Variants in PUF60 observed in about 807,000 individuals in gnomAD.
PUF60 encodes poly(U) binding splicing factor 60, also known as poly(U)-binding-splicing factor PUF60.
A neutral mutation model predicts 61.8 loss-of-function variants in PUF60; 10 were observed. The ratio of observed to expected loss-of-function variants is 0.16; its 90% CI spans 0.10 to 0.27. PUF60 has a LOEUF of 0.27. Ranked by LOEUF, PUF60 falls within the 10% of genes least tolerant of loss-of-function variation. The probability of loss-of-function intolerance (pLI) is 1.00; values close to 1 mark genes in which losing one functional copy is unlikely to be tolerated. For synonymous variants in PUF60, 353 were observed against 300.9 expected (o/e 1.17, Z -1.79); for missense variants, 371 against 754.0 (o/e 0.49, Z 5.95).
chr8:143,817,917 G>A lies in PUF60; in HGVS notation c.762C>T (p.Ser254=). ...TTGTGGGGTCCCGGGCCAGTGTGCA[G>A]GACTTGATCTTGCCAAAGGCCTCAA... The part of the protein sequence containing the change: ...SVFEAFGKIK[S]CTLARDPTTG... Residue 254 remains serine (S), a synonymous_variant, in exon 8 of 12, where the codon TCC becomes TCT. Coordinates refer to ENST00000526683, the MANE Select transcript of PUF60 (RefSeq NM_078480.3). This position sits in a 1 kb window ranked among gnomAD's most constrained non-coding sequence, Gnocchi z 7.4. 6.2e-7 allele frequency: 1 copy of A among 1,612,914 alleles called. No homozygotes were observed.
Position 143,818,401 on chromosome 8 carries a change from G to T in PUF60, c.482C>A (p.Ser161Tyr). 1 of 1,612,768 alleles carries T rather than the reference G, an allele frequency of 6.2e-7. No homozygotes were observed. The highest frequency in any genetic ancestry group is 8.5e-7 in the Non-Finnish European group (1 of 1,179,784). Residue 161 changes from serine to tyrosine, a missense_variant, in exon 6 of 12, where the codon TCC becomes TAC. Physicochemically the swap from Ser to Tyr is moderately radical, Grantham distance 144. Transcript: ENST00000526683. The surrounding 1 kb of genome is among the most constrained non-coding windows in gnomAD (Gnocchi z 7.9). ...GTGCTTCATGGTGACGGAGTCCCAG[G>T]ACATGTCGATGCTCTTGATGGGGCC... Reference protein sequence around the residue: ...PFGPIKSIDMSWDSVTMKHKG... With the variant: ...PFGPIKSIDMYWDSVTMKHKG...
Position 143,827,664 on chromosome 8 carries a change from A to G in PUF60, c.24+1616T>C, listed in dbSNP as rs1212150858. On this transcript the variant is annotated intron_variant, in intron 1 of 11. Transcript: ENST00000526683. ...AGAGGAATGGGTTAGACCACAGGCT[A>G]CAGCTCACTCCTGGAGCCGGATGCA... 1.5e-5 allele frequency: 5 copies of G among 336,274 alleles called. No homozygotes were observed. In the Admixed American group the frequency reaches 1.7e-4, roughly 12 times the overall value. 20.8% of individuals were successfully genotyped at this position (336,274 alleles called of 1,614,324 possible). A position where few individuals can be genotyped will look rare whatever the true frequency, so the allele number is the denominator to read the frequency against.
rs1816671121 is a variant in PUF60 at position 143,818,721 on chromosome 8, G to C, written c.349-187C>G. ...TCGCAGGACCCCGCCACCCAAAGAA[G>C]GAAGGCCAGGCCCAGCGGCAGGACA... On this transcript the variant is annotated intron_variant, in intron 5 of 11. Coordinates refer to ENST00000526683, the MANE Select transcript of PUF60 (RefSeq NM_078480.3). This position sits in a 1 kb window ranked among gnomAD's most constrained non-coding sequence, Gnocchi z 7.9. 2 of 657,050 alleles carry C rather than the reference G, an allele frequency of 3.0e-6. No homozygotes were observed. The highest frequency in any genetic ancestry group is 5.1e-6 in the Non-Finnish European group (2 of 394,140). 40.7% of individuals were successfully genotyped at this position (657,050 alleles called of 1,614,324 possible). A position where few individuals can be genotyped will look rare whatever the true frequency, so the allele number is the denominator to read the frequency against.
chr8:143,829,169 G>C, intron 1 of PUF60, 111 bp downstream of exon 1: 3 of 1,222,810 alleles, frequency 2.5e-6, no homozygotes, highest in Non-Finnish European at 3.1e-6. Context: ...GAGTCCGCGC[G>C]GGACCTGGGA....
chr8:143,816,777 T>C lies in PUF60; in HGVS notation c.1423A>G (p.Ile475Val). 6.2e-7 allele frequency: 1 copy of C among 1,613,662 alleles called. No individual in the cohort carries two copies. Among genetic ancestry groups the C allele is most frequent in the Non-Finnish European group, 8.5e-7 (1 of 1,179,864 alleles). The change falls in exon 12 of 12, where the codon ATC becomes GTC. Residue 475 changes from isoleucine (I) to valine (V), a missense_variant. Coordinates refer to ENST00000526683, the MANE Select transcript of PUF60 (RefSeq NM_078480.3). ...ACCTCCCCTTCCAGGTCATCATCGATGTCCTTGGGGTCCACCATGTTGCGC... is the reference window on the plus strand; with the variant it reads ...ACCTCCCCTTCCAGGTCATCATCGACGTCCTTGGGGTCCACCATGTTGCGC... ...VLRNMVDPKD[I>V]DDDLEGEVTE...
intron 2 of PUF60, chr8:143,822,553 C>T: frequency 2.2e-6 from 1 of 456,654 alleles, no homozygotes; most frequent in Non-Finnish European, 4.4e-6. Flanking sequence ...CACTTCCACA[C>T]ACTCTTGCAT....
At chr8:143,824,612 C>T (rs970737589) in intron 1 of PUF60, among the ~76,000 whole-genome samples, 1 of 152,252 alleles carries the variant, frequency 6.6e-6, no homozygotes, top group African/African-American at 2.4e-5. Context: ...GGAGCATGGG[C>T]TGGGCCAGGG....
chr8:143,821,877 T>A lies in PUF60; in HGVS notation c.148A>T (p.Thr50Ser), dbSNP rs565963181. The change falls in exon 3 of 12, where the codon ACA becomes TCA. Residue 50 changes from threonine (T) to serine (S), a missense_variant. This residue lies in a region of PUF60 where 16 missense variants were observed against 26.9 expected (regional missense o/e 0.60). Transcript: ENST00000526683. Reference sequence around the variant, plus strand: ...GGAGGCAGCCCCAGCTTGGCGGCTGTGCTCTGCCCGTTCTCCATCTTGATG... The same window carrying A: ...GGAGGCAGCCCCAGCTTGGCGGCTGAGCTCTGCCCGTTCTCCATCTTGATG... ...DSIKMENGQSTAAKLGLPPLT... is the reference protein window; with the variant it reads ...DSIKMENGQSSAAKLGLPPLT... The A allele has an allele frequency of 1.2e-6, 2 of 1,609,204 alleles. No individual in the cohort carries two copies. The highest frequency in any genetic ancestry group is 2.7e-5 in the African/African-American group (2 of 75,000).
At chr8:143,827,871 A>G (rs931314119) in intron 1 of PUF60, among the ~76,000 whole-genome samples, 1 of 152,154 alleles carries the variant, frequency 6.6e-6, no homozygotes, top group African/African-American at 2.4e-5. Flanking sequence ...CCTCATGAGC[A>G]CAGGGCGCTG....
chr8:143,817,962 G>C lies in PUF60; in HGVS notation c.717C>G (p.Asp239Glu). ...CCTCAAACACGCTCTTGATGTCATC[G>C]TCTGAGAGGTCCTGGTGCACAGAGG... ...YVASVHQDLSDDDIKSVFEAF... is the reference protein window; with the variant it reads ...YVASVHQDLSEDDIKSVFEAF... Residue 239 changes from aspartate to glutamate, a missense_variant, in exon 8 of 12, where the codon GAC becomes GAG. Asp to Glu is a conservative substitution (Grantham distance 45, BLOSUM62 2). Coordinates refer to ENST00000526683, the MANE Select transcript of PUF60 (RefSeq NM_078480.3). The surrounding 1 kb of genome is among the most constrained non-coding windows in gnomAD (Gnocchi z 7.4). 6.2e-7 allele frequency: 1 copy of C among 1,612,880 alleles called. No individual in the cohort carries two copies. The highest frequency in any genetic ancestry group is 8.5e-7 in the Non-Finnish European group (1 of 1,179,844).
intron 2 of PUF60, among the ~76,000 whole-genome samples, chr8:143,824,005 G>T (rs374331883): frequency 3.3e-5 from 5 of 152,378 alleles, no homozygotes; most frequent in Admixed American, 2.6e-4. Context: ...GCCTAAGAAC[G>T]CGCGAGCTCC....
At chr8:143,823,173 C>T (rs1180779034) in intron 2 of PUF60, 2 of 159,458 alleles carry the variant, frequency 1.3e-5, no homozygotes, top group Non-Finnish European at 2.7e-5. Flanking sequence ...GTCCTAATCA[C>T]CCTCAGCACC....
At chr8:143,828,825 C>T (rs1206645086) in intron 1 of PUF60, among the ~76,000 whole-genome samples, 2 of 152,180 alleles carry the variant, frequency 1.3e-5, no homozygotes, top group Non-Finnish European at 2.9e-5. Flanking sequence ...CCAAGGCCGC[C>T]CCATGCTCTG....
intron 1 of PUF60, chr8:143,827,279 G>A (rs544046495): frequency 6.9e-5 from 30 of 432,256 alleles, no homozygotes; most frequent in Non-Finnish European, 1.4e-4. Context: ...CAGAAGAAAG[G>A]AACTGGAACC....
In PUF60 at chr8:143,816,413, G is replaced by A; in HGVS notation, c.*107C>T. 1 of 1,300,692 alleles carries A rather than the reference G, an allele frequency of 7.7e-7. No homozygotes were observed. Among genetic ancestry groups the A allele is most frequent in the Non-Finnish European group, 1.0e-6 (1 of 961,498 alleles). 80.6% of individuals were successfully genotyped at this position (1,300,692 alleles called of 1,614,324 possible). A position where few individuals can be genotyped will look rare whatever the true frequency, so the allele number is the denominator to read the frequency against. ...CAGCATCCGCACCTTTATCCGCACTGTAGGCTGGGCTGGGCAGAGCGCGCC... is the reference window on the plus strand; with the variant it reads ...CAGCATCCGCACCTTTATCCGCACTATAGGCTGGGCTGGGCAGAGCGCGCC... On this transcript the variant is annotated 3_prime_UTR_variant, in exon 12 of 12. Transcript: ENST00000526683.
rs1490178044 is a variant in PUF60, at chr8:143,816,739, A to G, written c.1461T>C (p.Cys487=). 3 of 1,613,740 alleles carry G rather than the reference A, an allele frequency of 1.9e-6. No homozygotes were observed. The highest frequency in any genetic ancestry group is 1.7e-6 in the Non-Finnish European group (2 of 1,179,878). The change falls in exon 12 of 12, where the codon TGT becomes TGC. Residue 487 remains cysteine, a synonymous_variant. Coordinates refer to ENST00000526683, the MANE Select transcript of PUF60 (RefSeq NM_078480.3). The stretch of plus-strand genomic sequence containing the variant: ...CGCGGTTCACGGCCCCGAACTTGCC[A>G]CACTCCTCTGTCACCTCCCCTTCCA... ...DDLEGEVTEE[C]GKFGAVNRVI... is the part of the protein sequence containing the mutation.
intron 1 of PUF60, among the ~76,000 whole-genome samples, chr8:143,825,528 CTT>C (rs775480061): frequency 6.8e-6 from 1 of 147,604 alleles, no homozygotes. Context: ...GAGGCTGCCT[CTT>C]TTTTTTTTTT....
Position 143,817,871 on chromosome 8 carries a change from C to T in PUF60, c.808G>A (p.Gly270Ser), listed in dbSNP as rs1306143392. The T allele has an allele frequency of 6.2e-7, 1 of 1,611,950 alleles. No homozygotes were observed. Among genetic ancestry groups the T allele is most frequent in the African/African-American group, 1.3e-5 (1 of 74,924 alleles). Residue 270 changes from glycine to serine, a missense_variant, in exon 8 of 12, where the codon GGC (glycine) becomes AGC (serine). Transcript: ENST00000526683. The surrounding 1 kb of genome is among the most constrained non-coding windows in gnomAD (Gnocchi z 7.4). ...AGCCACCCCAGCTCACCAATGAAGC[C>T]GTAGCCCTTGTGCTTGCCAGTTGTG... ...DPTTGKHKGY[G>S]FIEYEKAQSS...
At position 143,818,199 on chromosome 8, in the gene PUF60, G is replaced by A. The variant is rs1407204202; in HGVS notation, c.597C>T (p.Asn199=). The A allele has an allele frequency of 6.2e-7, 1 of 1,610,534 alleles. No individual in the cohort carries two copies. Among genetic ancestry groups the A allele is most frequent in the Non-Finnish European group, 8.5e-7 (1 of 1,178,952 alleles). Residue 199 remains asparagine, a synonymous_variant, in exon 7 of 12, where the codon AAC becomes AAT. Transcript: ENST00000526683. This position sits in a 1 kb window ranked among gnomAD's most constrained non-coding sequence, Gnocchi z 7.9. ...QMNSVMLGGR[N]IKVGRPSNIG... ...CCTTGGCTCCCTGCCTCACCTTGAT[G>A]TTCCTGCCCCCCAGCATCACCGAGT...
Sources: gnomAD v4.1 joint callset for allele counts (sites outside exome capture counted in the v4.1 genomes callset) on GRCh38, gnomAD v4.1.1 for gene constraint, gnomAD v4.1.1 regional missense constraint, Gnocchi (gnomAD v3.1) non-coding constraint, MANE v1.5 for transcripts, NCBI Gene and HGNC (gene_info 2026-07-23, HGNC 2026-07-21) for gene names.